CCDC6: variants seen among roughly 807,000 people sequenced by gnomAD.
The protein encoded by CCDC6 is coiled-coil domain-containing protein 6.
In CCDC6, 20 loss-of-function variants were observed where a neutral mutation model predicts 56.6. The observed-to-expected ratio is 0.35, with a 90% CI of 0.25 to 0.51. The LOEUF is 0.51. CCDC6 is among the 20% of genes least tolerant of loss of function. The pLI is 0.95. For missense variants in CCDC6, 367 were observed against 601.1 expected, an observed-to-expected ratio of 0.61 and a Z score of 4.07; for synonymous variants, 241 against 234.4, an observed-to-expected ratio of 1.03 and a Z score of -0.26.
intron 5 of CCDC6, among the ~76,000 whole-genome samples, chr10:59,807,714 T>C (rs1389183093): frequency 6.6e-6 from 1 of 152,178 alleles, no homozygotes; most frequent in South Asian, 2.1e-4. Flanking sequence ...AAGTAGCCAC[T>C]ACAAGAGCTC....
rs1030207320 is a variant in CCDC6 at position 59,791,156 on chromosome 10, C to T, written c.*1761G>A. 5.1e-6 allele frequency: 1 copy of T among 197,304 alleles called. No homozygotes were observed. Among genetic ancestry groups the T allele is most frequent in the East Asian group, 7.9e-5 (1 of 12,708 alleles). 12.2% of individuals were successfully genotyped at this position (197,304 alleles called of 1,614,324 possible). On this transcript the variant is annotated 3_prime_UTR_variant, in exon 9 of 9. Transcript: ENST00000263102. ...GCCTCAATGATTAAATGCCAAACTTCTTCCCTGCATCTGAGAACTGTATTA... is the reference window on the plus strand; with the variant it reads ...GCCTCAATGATTAAATGCCAAACTTTTTCCCTGCATCTGAGAACTGTATTA...
In CCDC6 at chr10:59,840,964, CAGCAACCAA is replaced by C. The variant is rs568367628; in HGVS notation, c.454-8320_454-8312del. On this transcript the variant is annotated intron_variant, in intron 2 of 8. Coordinates refer to ENST00000263102, the MANE Select transcript of CCDC6 (RefSeq NM_005436.5). ...CCCAATCCATAATCTCTTCATGACA[CAGCAACCAA>C]AGCAATCATTTTAAGAGCTATGTAG... Among the ~76,000 whole-genome samples, 10 of 152,312 alleles carry C rather than the reference CAGCAACCAA, an allele frequency of 6.6e-5. No individual in the cohort carries two copies. In the East Asian group the frequency reaches 1.9e-3, roughly 29 times the overall value.
intron 1 of CCDC6, among the ~76,000 whole-genome samples, chr10:59,882,036 G>T: frequency 7.1e-6 from 1 of 141,686 alleles, no homozygotes; most frequent in African/African-American, 2.7e-5. Context: ...CGGGGAGAAG[G>T]AAAGGAAAGC....
intron 4 of CCDC6, among the ~76,000 whole-genome samples, chr10:59,814,094 T>G (rs1468706354): frequency 6.6e-6 from 1 of 152,208 alleles, no homozygotes; most frequent in Non-Finnish European, 1.5e-5. Flanking sequence ...TTAACTATCT[T>G]GCACAAAGAG....
chr10:59,840,389 T>A (rs2070927459), intron 2 of CCDC6, among the ~76,000 whole-genome samples: 1 of 152,178 alleles, frequency 6.6e-6, no homozygotes, highest in Non-Finnish European at 1.5e-5. Flanking sequence ...TCTTACTGAT[T>A]TATAGTTCTT....
intron 3 of CCDC6, among the ~76,000 whole-genome samples, chr10:59,829,650 C>T (rs1453591620): frequency 1.3e-5 from 2 of 152,014 alleles, no homozygotes; most frequent in African/African-American, 2.4e-5. Context: ...ATGAAAGAAG[C>T]CAATCACAAA....
At chr10:59,797,588 C>CAAAAAAAAAAAAAAAAAA (rs10561094) in intron 7 of CCDC6, among the ~76,000 whole-genome samples, 2 of 31,606 alleles carry the variant, frequency 6.3e-5, no homozygotes, top group African/African-American at 1.5e-4. Context: ...AACCTCCTAG[C>CAAAAAAAAAAAAAAAAAA]AAAAAAAAAA....
intron 1 of CCDC6, among the ~76,000 whole-genome samples, chr10:59,859,232 G>GTGTGTA (rs1554885880): frequency 1.2e-3 from 175 of 150,806 alleles, no homozygotes; most frequent in African/African-American, 2.5e-3. Flanking sequence ...GTGTGTGTGT[G>GTGTGTA]TGTGTATGAA....
At chr10:59,848,639 A>G (rs1282957597) in intron 2 of CCDC6, among the ~76,000 whole-genome samples, 1 of 152,212 alleles carries the variant, frequency 6.6e-6, no homozygotes, top group Non-Finnish European at 1.5e-5. Context: ...AACAAATAAG[A>G]TTCATTATAT....
chr10:59,898,464 T>C (rs2071479997), intron 1 of CCDC6, among the ~76,000 whole-genome samples: 1 of 152,232 alleles, frequency 6.6e-6, no homozygotes, highest in Non-Finnish European at 1.5e-5. Flanking sequence ...TTTTGGAAGC[T>C]GGAAGGTAAA....
chr10:59,861,064 C>T (rs117221150), intron 1 of CCDC6, among the ~76,000 whole-genome samples: 4,616 of 152,116 alleles, frequency 0.03, 90 homozygotes, highest in Middle Eastern at 0.048. Context: ...GCCGTGGTAG[C>T]GAGCACCTGT....
intron 1 of CCDC6, among the ~76,000 whole-genome samples, chr10:59,902,206 T>A (rs944943550): frequency 1.3e-5 from 2 of 152,120 alleles, no homozygotes; most frequent in Admixed American, 6.5e-5. Flanking sequence ...TAGTCGTTCA[T>A]TAAATGGGTA....
chr10:59,837,764 A>AAG (rs2070896457), intron 2 of CCDC6, among the ~76,000 whole-genome samples: 2 of 148,610 alleles, frequency 1.3e-5, no homozygotes, highest in African/African-American at 5.0e-5. Flanking sequence ...AAAAAAAAAA[A>AAG]AAAAAAGAAA....
At chr10:59,843,680 G>A (rs111455048) in intron 2 of CCDC6, among the ~76,000 whole-genome samples, 83 of 152,316 alleles carry the variant, frequency 5.4e-4, no homozygotes, top group African/African-American at 1.9e-3. Context: ...AGCAGGAGAA[G>A]CTTGTAGCCT....
At chr10:59,842,870 C>T (rs1456065962) in intron 2 of CCDC6, among the ~76,000 whole-genome samples, 1 of 151,738 alleles carries the variant, frequency 6.6e-6, no homozygotes, top group African/African-American at 2.4e-5. Context: ...TCTCCTGCCT[C>T]AACCTCCCGA....
intron 1 of CCDC6, among the ~76,000 whole-genome samples, chr10:59,883,649 A>G (rs1306722756): frequency 1.3e-5 from 2 of 152,252 alleles, no homozygotes; most frequent in Admixed American, 6.5e-5. Flanking sequence ...GGACCATAAT[A>G]TTAAAAGTTT....
intron 8 of CCDC6, 23 bp from the exon 9 acceptor site, chr10:59,793,134 A>C: frequency 6.2e-7 from 1 of 1,606,442 alleles, no homozygotes. Context: ...CAGGAACAGC[A>C]AGTCAGTCTA....
At chr10:59,889,267 C>A (rs373717504) in intron 1 of CCDC6, among the ~76,000 whole-genome samples, 6 of 152,262 alleles carry the variant, frequency 3.9e-5, no homozygotes, top group African/African-American at 9.6e-5. Context: ...AACAGGGACA[C>A]GTGAGAAAGC....
intron 7 of CCDC6, 147 bp downstream of exon 7, chr10:59,804,273 G>GA (rs1191499749): frequency 1.9e-6 from 1 of 518,432 alleles, no homozygotes; most frequent in African/African-American, 2.6e-5. Context: ...TTAGCCTTGA[G>GA]AGTGATGAGT....
Sources: gnomAD v4.1 joint callset for allele counts (sites outside exome capture counted in the v4.1 genomes callset) on GRCh38, gnomAD v4.1.1 for gene constraint, MANE v1.5 for transcripts, NCBI Gene and HGNC (gene_info 2026-07-23, HGNC 2026-07-21) for gene names.